NF1: variants seen among roughly 807,000 people sequenced by gnomAD.
NF1 encodes neurofibromin 1.
In NF1, 122 loss-of-function variants were observed where a neutral mutation model predicts 325.7. That is an observed-to-expected ratio of 0.37 (90% CI 0.32 to 0.44). NF1 has a LOEUF of 0.44. Ranked by LOEUF, NF1 falls within the 20% of genes least tolerant of loss-of-function variation. The pLI, the probability that NF1 is intolerant of heterozygous loss-of-function variation, is 1.00. For missense variants in NF1, 2,140 were observed against 3,415.4 expected (o/e 0.63, Z 9.31); for synonymous variants, 1,091 against 1,186.0 (o/e 0.92, Z 1.65).
rs863224835 is a variant in NF1 at position 31,334,930 on chromosome 17, CAA to C, written c.5907_5908del (p.Arg1970SerfsTer6). On this transcript the variant is annotated frameshift_variant, in exon 40 of 58. Coordinates refer to ENST00000358273, the MANE Select transcript of NF1 (RefSeq NM_001042492.3). LOFTEE classifies it high-confidence loss of function. The part of the protein sequence containing the change: ...FCKHNDDAKR[Q>X]RVTAILDKLI... ...CAAGCATAATGATGATGCCAAACGACAAAGAGTTACTGCTATTCTTGACAAGC... is the reference window on the plus strand; with the variant it reads ...CAAGCATAATGATGATGCCAAACGACAGAGTTACTGCTATTCTTGACAAGC... 6.2e-7 allele frequency: 1 copy of C among 1,613,476 alleles called. No homozygotes were observed. The highest frequency in any genetic ancestry group is 8.5e-7 in the Non-Finnish European group (1 of 1,179,906).
chr17:31,175,893 G>A (rs1297522006), intron 5 of NF1, among the ~76,000 whole-genome samples: 1 of 152,182 alleles, frequency 6.6e-6, no homozygotes, highest in Non-Finnish European at 1.5e-5. Context: ...TGGTGTATAT[G>A]TGCCACATTT....
chr17:31,137,344 T>C (rs1233840971), intron 1 of NF1: 4 of 152,248 alleles, frequency 2.6e-5, no homozygotes, highest in Admixed American at 2.6e-4. Context: ...AGCCAAGTAG[T>C]GTACTGTGAT....
At chr17:31,172,308 T>A (rs969560668) in intron 5 of NF1, among the ~76,000 whole-genome samples, 2 of 151,832 alleles carry the variant, frequency 1.3e-5, no homozygotes, top group African/African-American at 4.8e-5. Flanking sequence ...CCAGCCTGGG[T>A]AACAGAGTGA....
chr17:31,156,238 ATAT>A, intron 2 of NF1, 112 bp downstream of exon 2: 2 of 1,249,914 alleles, frequency 1.6e-6, no homozygotes, highest in South Asian at 2.5e-5. Flanking sequence ...TGGACTTTGG[ATAT>A]AACCATTAAT....
chr17:31,326,757 A>AATTTCC lies in NF1; in HGVS notation c.5268+506_5268+507insTTTCCA, dbSNP rs2069354279. Reference sequence around the variant, plus strand: ...TACATTTTATTCTAGCTTAGGCTGGAAGTAGAAGAGTGTTTTGGAGAGGGC... The same window carrying AATTTCC: ...TACATTTTATTCTAGCTTAGGCTGGAATTTCCAGTAGAAGAGTGTTTTGGAGAGGGC... On this transcript the variant is annotated intron_variant, in intron 37 of 57. Coordinates refer to ENST00000358273, the MANE Select transcript of NF1 (RefSeq NM_001042492.3). Among the ~76,000 whole-genome samples the AATTTCC allele has an allele frequency of 2.0e-5, 3 of 152,296 alleles. No individual in the cohort carries two copies. The South Asian group carries it at 6.2e-4, about 32-fold the overall frequency.
rs1440915203 is a variant in NF1, at chr17:31,221,879, C to T, written c.1671C>T (p.Ser557=). The T allele has an allele frequency of 1.2e-6, 2 of 1,606,662 alleles. No homozygotes were observed. Among genetic ancestry groups the T allele is most frequent in the South Asian group, 1.1e-5 (1 of 90,884 alleles). ...EALLVLHQLD[S]IDLWNPDAPV... is the part of the protein sequence containing the mutation. ...TGCTGGTTCTTCATCAGTTAGATAG[C>T]ATTGATTTGTGGAATCCTGATGCTC... Residue 557 remains serine, a synonymous_variant, in exon 15 of 58, where the codon AGC becomes AGT. Transcript: ENST00000358273.
chr17:31,360,846 A>T (rs916210986), intron 57 of NF1, 143 bp downstream of exon 57: 3 of 745,700 alleles, frequency 4.0e-6, no homozygotes, highest in African/African-American at 3.5e-5. Flanking sequence ...CTTGTAACTG[A>T]CTTGACTTTT....
chr17:31,143,365 C>T (rs1916365026), intron 1 of NF1, among the ~76,000 whole-genome samples: 3 of 152,110 alleles, frequency 2.0e-5, no homozygotes, highest in Admixed American at 2.0e-4. Context: ...CTCCTGGGCT[C>T]AAGATATCCT....
chr17:31,262,248 A>G (rs1026896125), intron 35 of NF1, among the ~76,000 whole-genome samples: 3 of 152,182 alleles, frequency 2.0e-5, no homozygotes, highest in Non-Finnish European at 4.4e-5. Context: ...CTTCTCTACT[A>G]CACTATAACA....
chr17:31,318,889 G>A, intron 36 of NF1: 3 of 1,614,034 alleles, frequency 1.9e-6, no homozygotes, highest in East Asian at 2.2e-5. Flanking sequence ...TGAATCCCAG[G>A]AAGAAGTACT....
intron 5 of NF1, among the ~76,000 whole-genome samples, chr17:31,179,626 CA>C (rs1467417314): frequency 6.6e-6 from 1 of 151,786 alleles, no homozygotes; most frequent in Admixed American, 6.6e-5. Flanking sequence ...ACTAAAAATA[CA>C]AAAAAATTAG....
intron 9 of NF1, 32 bp from the exon 10 acceptor site, chr17:31,201,005 A>G (rs1368287755): frequency 1.9e-6 from 3 of 1,612,278 alleles, no homozygotes; most frequent in Non-Finnish European, 2.5e-6. Flanking sequence ...TGGGTATTTA[A>G]AGGCTTTTGT....
chr17:31,356,621 G>T, intron 52 of NF1, 39 bp downstream of exon 52: 2 of 1,611,654 alleles, frequency 1.2e-6, no homozygotes, highest in South Asian at 1.1e-5. Context: ...TTGAAAATAA[G>T]GTGGGAGAGT....
intron 1 of NF1, among the ~76,000 whole-genome samples, chr17:31,148,876 G>A (rs1449963394): frequency 6.6e-6 from 1 of 152,016 alleles, no homozygotes; most frequent in Non-Finnish European, 1.5e-5. Flanking sequence ...GTTTATGTAA[G>A]TTACGTAGTT....
intron 29 of NF1, among the ~76,000 whole-genome samples, chr17:31,238,504 G>A (rs1336594639): frequency 6.6e-6 from 1 of 152,160 alleles, no homozygotes; most frequent in Admixed American, 6.5e-5. Context: ...GGAGGCTGAG[G>A]TGGGCAGATC....
chr17:31,259,127 C>T lies in NF1; in HGVS notation c.4428C>T (p.Arg1476=), dbSNP rs2067640114. Residue 1476 remains arginine, a splice_region_variant and synonymous_variant, in exon 33 of 58, where the codon CGC becomes CGT. Coordinates refer to ENST00000358273, the MANE Select transcript of NF1 (RefSeq NM_001042492.3). ...TGAAAAGCAACTTTGATGCAGCACG[C>T]AGGTAATTTTCTTGCCACTTACTCA... ...DFVKSNFDAA[R]RFFLDIASDC... The T allele has an allele frequency of 6.3e-7, 1 of 1,595,248 alleles. No individual in the cohort carries two copies. The highest frequency in any genetic ancestry group is 8.6e-7 in the Non-Finnish European group (1 of 1,167,442).
intron 29 of NF1, among the ~76,000 whole-genome samples, chr17:31,245,989 A>G (rs1467830374): frequency 2.0e-5 from 3 of 152,130 alleles, no homozygotes; most frequent in African/African-American, 7.2e-5. Flanking sequence ...TTATCATATA[A>G]AAGACACTCA....
intron 1 of NF1, among the ~76,000 whole-genome samples, chr17:31,127,214 A>G (rs1246362268): frequency 2.0e-5 from 3 of 152,078 alleles, no homozygotes; most frequent in Admixed American, 6.6e-5. Flanking sequence ...TTCTTAGTAT[A>G]AAGTATGGCA....
chr17:31,095,381 G>C lies in NF1; in HGVS notation c.60+12G>C, dbSNP rs1300623938. ...GCTTCGACGAGCAGGTAACCGGCCC[G>C]TGGCGGGCGGGAGGTGGGAGCGGAG... On this transcript the variant is annotated intron_variant, in intron 1 of 57. Coordinates refer to ENST00000358273, the MANE Select transcript of NF1 (RefSeq NM_001042492.3). The C allele has an allele frequency of 1.3e-6, 2 of 1,538,648 alleles. No homozygotes were observed. The highest frequency in any genetic ancestry group is 1.4e-5 in the African/African-American group (1 of 72,970).
Sources: allele counts gnomAD v4.1 joint callset (sites outside exome capture counted in the v4.1 genomes callset), GRCh38; gene constraint gnomAD v4.1.1; transcripts MANE v1.5; gene names NCBI Gene and HGNC (gene_info 2026-07-23, HGNC 2026-07-21).